Variants in FNDC3B observed in about 807,000 individuals in gnomAD.
The protein encoded by FNDC3B is fibronectin type III domain-containing protein 3B.
Under a neutral mutation model 151.5 loss-of-function variants are expected in FNDC3B, and 12 were observed. That is an observed-to-expected ratio of 0.08 (90% CI 0.05 to 0.13). FNDC3B has a LOEUF of 0.13. Ranked by LOEUF, FNDC3B falls within the 10% of genes least tolerant of loss-of-function variation. The pLI is 1.00. For missense variants in FNDC3B, 1,214 were observed against 1,505.3 expected (o/e 0.81, Z 3.20); for synonymous variants, 528 against 549.0 (o/e 0.96, Z 0.54).
rs1195921988 is a variant in FNDC3B, at chr3:172,251,379, CCTT to C, written c.634_636del (p.Ser212del). The C allele has an allele frequency of 3.7e-6, 6 of 1,613,994 alleles. No homozygotes were observed. The highest frequency in any genetic ancestry group is 3.3e-5 in the Admixed American group (2 of 59,996). ...TCGCCAGAACCGCCTCAACAGCCCT[CCTT>C]CTTCTATCTACAAAAGCAGCTGCAC... On this transcript the variant is annotated inframe_deletion, in exon 6 of 26. Transcript: ENST00000415807.
intron 3 of FNDC3B, among the ~76,000 whole-genome samples, chr3:172,217,265 A>G (rs1374742595): frequency 6.6e-6 from 1 of 152,210 alleles, no homozygotes; most frequent in Non-Finnish European, 1.5e-5. Flanking sequence ...CTGGTACCTG[A>G]TGTCTTTGAC....
At chr3:172,360,671 A>G (rs1262256538) in intron 22 of FNDC3B, among the ~76,000 whole-genome samples, 2 of 152,162 alleles carry the variant, frequency 1.3e-5, no homozygotes, top group Non-Finnish European at 2.9e-5. Context: ...TTTCAACACC[A>G]TTTGTTGAAA....
At chr3:172,290,735 G>A (rs546674664) in intron 7 of FNDC3B, among the ~76,000 whole-genome samples, 24 of 152,264 alleles carry the variant, frequency 1.6e-4, no homozygotes, top group Admixed American at 1.1e-3. Flanking sequence ...GCAGATAGGC[G>A]GCTCTTAGCA....
At chr3:172,257,986 GTT>G (rs1560043499) in intron 6 of FNDC3B, among the ~76,000 whole-genome samples, 1 of 152,134 alleles carries the variant, frequency 6.6e-6, no homozygotes, top group African/African-American at 2.4e-5. Context: ...GGAACACTTG[GTT>G]TAAGTTGAAG....
intron 1 of FNDC3B, among the ~76,000 whole-genome samples, chr3:172,059,549 G>GATT (rs147538816): frequency 0.029 from 4,390 of 152,130 alleles, 205 homozygotes; most frequent in African/African-American, 0.096. Context: ...TGACTTTATG[G>GATT]ATTATTAACT....
chr3:172,352,092 TACTC>T lies in FNDC3B; in HGVS notation c.2515-708_2515-705del, dbSNP rs1733884093. 1.3e-5 allele frequency among the ~76,000 whole-genome samples: 2 copies of T among 152,174 alleles called. No individual in the cohort carries two copies. Among genetic ancestry groups the T allele is most frequent in the Non-Finnish European group, 1.5e-5 (1 of 68,034 alleles). On this transcript the variant is annotated intron_variant, in intron 21 of 25. Transcript: ENST00000415807. The surrounding 1 kb of genome is among the most constrained non-coding windows in gnomAD (Gnocchi z 4.2). ...GAGGTACCGAAGTACTGAGGGCTGATACTCACCAGCGTTAAGAGTTCAGGGGATG... is the reference window on the plus strand; with the variant it reads ...GAGGTACCGAAGTACTGAGGGCTGATACCAGCGTTAAGAGTTCAGGGGATG...
chr3:172,386,696 G>A (rs1422998014), intron 25 of FNDC3B, among the ~76,000 whole-genome samples: 2 of 148,414 alleles, frequency 1.3e-5, no homozygotes, highest in African/African-American at 2.5e-5. Flanking sequence ...AGCCGAGATC[G>A]TGCCACTGCA....
intron 25 of FNDC3B, among the ~76,000 whole-genome samples, chr3:172,394,543 C>A (rs1736182001): frequency 6.6e-6 from 1 of 152,066 alleles, no homozygotes; most frequent in South Asian, 2.1e-4. Context: ...CTTATCAAGA[C>A]TGAAGAAATA....
chr3:172,194,470 C>T (rs1452183437), intron 3 of FNDC3B, among the ~76,000 whole-genome samples: 4 of 152,116 alleles, frequency 2.6e-5, no homozygotes, highest in Admixed American at 2.6e-4. Flanking sequence ...CGTACTCACT[C>T]CAAAGTTATT....
chr3:172,109,321 G>A (rs1361516202), intron 1 of FNDC3B, among the ~76,000 whole-genome samples: 69 of 152,160 alleles, frequency 4.5e-4, no homozygotes, highest in African/African-American at 1.4e-3. Context: ...GCCCGCCACT[G>A]CGCCCGGCTA....
At chr3:172,317,367 A>T (rs948201990) in intron 11 of FNDC3B, 3 of 286,698 alleles carry the variant, frequency 1.0e-5, no homozygotes, top group South Asian at 8.2e-5. Context: ...TGTATTTTTA[A>T]TAGAGACGGG....
At chr3:172,346,086 C>G (rs1015482114) in intron 19 of FNDC3B, 13 of 253,100 alleles carry the variant, frequency 5.1e-5, no homozygotes, top group Non-Finnish European at 6.7e-5. Flanking sequence ...TTTTGTCAAC[C>G]AACTAATTAT....
chr3:172,348,806 G>C (rs1214885742), intron 21 of FNDC3B, among the ~76,000 whole-genome samples: 2 of 152,114 alleles, frequency 1.3e-5, no homozygotes, highest in Admixed American at 6.6e-5. Context: ...AATAAAATGA[G>C]TCAGATCTTA....
At chr3:172,188,856 C>A (rs913231010) in intron 3 of FNDC3B, among the ~76,000 whole-genome samples, 5 of 152,176 alleles carry the variant, frequency 3.3e-5, no homozygotes. Flanking sequence ...CCGCTTCCTG[C>A]ACTGCTCCCC....
chr3:172,320,052 G>A (rs1478807127), intron 11 of FNDC3B, among the ~76,000 whole-genome samples: 2 of 152,138 alleles, frequency 1.3e-5, no homozygotes, highest in East Asian at 1.9e-4. Flanking sequence ...CCTGGTAAGA[G>A]CAGCTCAGGA....
chr3:172,285,409 C>T (rs1010962472), intron 6 of FNDC3B, among the ~76,000 whole-genome samples: 1 of 152,330 alleles, frequency 6.6e-6, no homozygotes, highest in African/African-American at 2.4e-5. Flanking sequence ...AAAAGAAGAT[C>T]ATATCTGTCC....
At chr3:172,224,945 G>C (rs1436398761) in intron 3 of FNDC3B, among the ~76,000 whole-genome samples, 1 of 152,188 alleles carries the variant, frequency 6.6e-6, no homozygotes, top group Admixed American at 6.5e-5. Context: ...TGCACTTCTA[G>C]GGAAGCCATT....
intron 11 of FNDC3B, among the ~76,000 whole-genome samples, chr3:172,311,436 G>A (rs1191550176): frequency 6.6e-6 from 1 of 152,078 alleles, no homozygotes; most frequent in Non-Finnish European, 1.5e-5. Flanking sequence ...GCCCTTGGAA[G>A]GTATCTACGG....
intron 3 of FNDC3B, among the ~76,000 whole-genome samples, chr3:172,173,074 G>A (rs1368065641): frequency 6.6e-6 from 1 of 151,858 alleles, no homozygotes; most frequent in Non-Finnish European, 1.5e-5. Flanking sequence ...TTTTCTCAAG[G>A]GAATTTCCCT....
Sources: allele counts gnomAD v4.1 joint callset (sites outside exome capture counted in the v4.1 genomes callset), GRCh38; gene constraint gnomAD v4.1.1; non-coding constraint Gnocchi (gnomAD v3.1); transcripts MANE v1.5; gene names NCBI Gene and HGNC (gene_info 2026-07-23, HGNC 2026-07-21).